Variants in WRN observed in about 807,000 individuals in gnomAD.
WRN encodes WRN RecQ like helicase.
A neutral mutation model predicts 180.7 loss-of-function variants in WRN; 149 were observed. That is an observed-to-expected ratio of 0.82 (90% CI 0.72 to 0.94). The LOEUF is 0.94. WRN is among the 40% of genes least tolerant of loss of function. The pLI is 0.00. For synonymous variants in WRN, 548 were observed against 568.9 expected, an observed-to-expected ratio of 0.96 and a Z score of 0.52; for missense variants, 1,661 against 1,700.1, an observed-to-expected ratio of 0.98 and a Z score of 0.40.
intron 20 of WRN, among the ~76,000 whole-genome samples, chr8:31,117,824 C>G (rs1801578939): frequency 6.6e-6 from 1 of 152,158 alleles, no homozygotes; most frequent in Non-Finnish European, 1.5e-5. Context: ...TCTGGTCTCT[C>G]TTTTCCTTCT....
intron 1 of WRN, among the ~76,000 whole-genome samples, chr8:31,040,917 G>A (rs933885860): frequency 6.6e-6 from 1 of 152,130 alleles, no homozygotes; most frequent in African/African-American, 2.4e-5. Context: ...AGTTGATGAT[G>A]TAGGAGATGG....
chr8:31,077,033 T>G (rs1813120392), intron 8 of WRN, among the ~76,000 whole-genome samples: 1 of 152,214 alleles, frequency 6.6e-6, no homozygotes, highest in South Asian at 2.1e-4. Flanking sequence ...AAAAATACTT[T>G]GTAGAAATGT....
intron 8 of WRN, among the ~76,000 whole-genome samples, chr8:31,077,610 C>T (rs564937093): frequency 1.3e-5 from 2 of 152,218 alleles, no homozygotes; most frequent in African/African-American, 4.8e-5. Context: ...TACATTTTTC[C>T]CTCCATGAAA....
chr8:31,080,973 A>T lies in WRN; in HGVS notation c.946A>T (p.Asn316Tyr). 2 of 1,613,910 alleles carry T rather than the reference A, an allele frequency of 1.2e-6. No individual in the cohort carries two copies. Among genetic ancestry groups the T allele is most frequent in the Non-Finnish European group, 1.7e-6 (2 of 1,179,884 alleles). ...TGAACTGAGGCCCAGCAATAATTTAAACTTATTATCCTTTGAAGATTCAAC... is the reference window on the plus strand; with the variant it reads ...TGAACTGAGGCCCAGCAATAATTTATACTTATTATCCTTTGAAGATTCAAC... The part of the protein sequence containing the change: ...ETELRPSNNL[N>Y]LLSFEDSTTG... The change falls in exon 9 of 35, where the codon AAC (asparagine) becomes TAC (tyrosine). Residue 316 changes from asparagine (N) to tyrosine (Y), a missense_variant. Asn to Tyr is a moderately radical substitution (Grantham distance 143). This residue lies in a region of WRN where 500 missense variants were observed against 504.1 expected (regional missense o/e 0.99). Transcript: ENST00000298139.
intron 7 of WRN, among the ~76,000 whole-genome samples, chr8:31,075,719 CAAA>C (rs1181552234): frequency 2.2e-5 from 2 of 91,670 alleles, no homozygotes; most frequent in Non-Finnish European, 4.7e-5. Flanking sequence ...GACTCTGTCT[CAAA>C]AAAAAAAAAA....
intron 1 of WRN, among the ~76,000 whole-genome samples, chr8:31,044,342 CTTTTTTTT>C (rs34518426): frequency 4.4e-5 from 3 of 68,314 alleles, no homozygotes; most frequent in Admixed American, 5.2e-4. Context: ...GCCCGACCTT[CTTTTTTTT>C]TTTTTTTTTT....
At chr8:31,156,689 C>CTGAGTGTTTAAAAGAATGT (rs1803399655) in intron 32 of WRN, among the ~76,000 whole-genome samples, 1 of 152,162 alleles carries the variant, frequency 6.6e-6, no homozygotes. Context: ...ACAAAGCTTT[C>CTGAGTGTTTAAAAGAATGT]TGAGTGTTTA....
chr8:31,133,569 A>G (rs901611743), intron 24 of WRN, among the ~76,000 whole-genome samples: 4 of 152,238 alleles, frequency 2.6e-5, no homozygotes, highest in Admixed American at 2.0e-4. Flanking sequence ...TAGTTGTGAA[A>G]TATTTTTAAT....
intron 1 of WRN, among the ~76,000 whole-genome samples, chr8:31,048,334 G>A (rs1364871563): frequency 6.6e-6 from 1 of 152,082 alleles, no homozygotes; most frequent in Non-Finnish European, 1.5e-5. Context: ...ATTTAATGAG[G>A]GCTTTGGCAT....
At chr8:31,096,316 A>T (rs2130199713) in intron 16 of WRN, among the ~76,000 whole-genome samples, 1 of 152,334 alleles carries the variant, frequency 6.6e-6, no homozygotes, top group Non-Finnish European at 1.5e-5. Context: ...AATGGAGAGC[A>T]GACTCTGTAA....
At chr8:31,164,530 T>C (rs1803772073) in intron 33 of WRN, among the ~76,000 whole-genome samples, 1 of 152,228 alleles carries the variant, frequency 6.6e-6, no homozygotes, top group Non-Finnish European at 1.5e-5. Context: ...ATTTGTTAAG[T>C]AGATTTTGTC....
At chr8:31,053,714 G>T (rs1451843915) in intron 1 of WRN, among the ~76,000 whole-genome samples, 1 of 152,174 alleles carries the variant, frequency 6.6e-6, no homozygotes, top group African/African-American at 2.4e-5. Flanking sequence ...AGAGTTTATG[G>T]ATTCAGAGCA....
At chr8:31,038,357 G>T (rs778691534) in intron 1 of WRN, among the ~76,000 whole-genome samples, 4 of 151,796 alleles carry the variant, frequency 2.6e-5, no homozygotes, top group Non-Finnish European at 5.9e-5. Context: ...TGTGCTTATT[G>T]GCCATTATAT....
At position 31,097,776 on chromosome 8, in the gene WRN, C is replaced by T. The variant is rs868594461; in HGVS notation, c.1981+926C>T. Among the ~76,000 whole-genome samples the T allele has an allele frequency of 6.6e-5, 10 of 151,788 alleles. No individual in the cohort carries two copies. The South Asian group carries it at 2.1e-3, about 32-fold the overall frequency. ...CCTGGGCAACAGAGCGAGACCATGC[C>T]TCAAAAAAAATTTTTTTTTCTTCTT... On this transcript the variant is annotated intron_variant, in intron 17 of 34. Transcript: ENST00000298139.
intron 1 of WRN, among the ~76,000 whole-genome samples, chr8:31,036,607 T>A (rs905153500): frequency 1.3e-5 from 2 of 152,262 alleles, no homozygotes; most frequent in Admixed American, 1.3e-4. Flanking sequence ...TGGTTATTGA[T>A]GAGCAATGTT....
chr8:31,154,546 A>T, intron 31 of WRN, 78 bp from the exon 32 acceptor site: 3 of 1,475,558 alleles, frequency 2.0e-6, no homozygotes, highest in Admixed American at 4.4e-5. Flanking sequence ...TTTTTTTCTT[A>T]ATGGCTAATT....
intron 1 of WRN, among the ~76,000 whole-genome samples, chr8:31,048,519 G>A (rs1272087927): frequency 1.3e-5 from 2 of 152,122 alleles, no homozygotes; most frequent in Non-Finnish European, 2.9e-5. Context: ...ATCTGTGTGT[G>A]TGTATATATA....
chr8:31,104,742 G>A (rs1201243219), intron 18 of WRN, among the ~76,000 whole-genome samples: 1 of 152,202 alleles, frequency 6.6e-6, no homozygotes, highest in Non-Finnish European at 1.5e-5. Flanking sequence ...CAGATCCTTT[G>A]TTGAATAGGC....
chr8:31,082,813 T>C (rs753539213), intron 9 of WRN, among the ~76,000 whole-genome samples: 3 of 152,156 alleles, frequency 2.0e-5, no homozygotes, highest in Non-Finnish European at 4.4e-5. Context: ...TGTGAGCCAC[T>C]GCACCTGGCC....
Sources: allele counts gnomAD v4.1 joint callset (sites outside exome capture counted in the v4.1 genomes callset), GRCh38; gene constraint gnomAD v4.1.1; regional missense constraint gnomAD v4.1.1; transcripts MANE v1.5; gene names NCBI Gene and HGNC (gene_info 2026-07-23, HGNC 2026-07-21).